Variants in SDK1 observed in about 807,000 individuals in gnomAD.
SDK1 encodes sidekick cell adhesion molecule 1, also known as protein sidekick-1.
SDK1 carries 157 observed loss-of-function variants against 245.5 expected under a neutral mutation model. The observed-to-expected ratio is 0.64, with a 90% CI of 0.56 to 0.73. The LOEUF (loss-of-function observed/expected upper bound fraction) is 0.73, where lower values mean the gene tolerates loss of function less well. Ranked by LOEUF, SDK1 falls within the 30% of genes least tolerant of loss-of-function variation. SDK1 has a pLI of 0.00. For synonymous variants in SDK1, 1,647 were observed against 1,278.5 expected, an observed-to-expected ratio of 1.29 and a Z score of -6.15; for missense variants, 3,583 against 3,002.3, an observed-to-expected ratio of 1.19 and a Z score of -4.52.
intron 4 of SDK1, among the ~76,000 whole-genome samples, chr7:3,724,759 C>T (rs770736891): frequency 2.4e-4 from 36 of 152,068 alleles, no homozygotes; most frequent in Non-Finnish European, 4.1e-4. Flanking sequence ...AGTCAGCTTT[C>T]GGAAGGAAAA....
At chr7:3,975,849 G>A (rs775681898) in intron 13 of SDK1, among the ~76,000 whole-genome samples, 5 of 152,254 alleles carry the variant, frequency 3.3e-5, no homozygotes, top group Admixed American at 6.5e-5. Context: ...TGGCTCTACA[G>A]AATCAGCCGG....
At chr7:3,887,950 T>A (rs1781375726) in intron 5 of SDK1, among the ~76,000 whole-genome samples, 1 of 152,252 alleles carries the variant, frequency 6.6e-6, no homozygotes, top group South Asian at 2.1e-4. Context: ...GTATTTCTTT[T>A]GTCTGTCTGA....
chr7:3,680,305 G>A (rs1406809812), intron 4 of SDK1, among the ~76,000 whole-genome samples: 1 of 152,220 alleles, frequency 6.6e-6, no homozygotes, highest in Non-Finnish European at 1.5e-5. Flanking sequence ...AGGAGAGCTT[G>A]AGAGGGGAGG....
chr7:4,034,473 C>G (rs775409816), intron 17 of SDK1, among the ~76,000 whole-genome samples: 56 of 152,306 alleles, frequency 3.7e-4, no homozygotes, highest in African/African-American at 1.3e-3. Flanking sequence ...CACTCTCAAA[C>G]AGTTTTTAAT....
chr7:3,581,213 C>T (rs1320852119), intron 1 of SDK1, among the ~76,000 whole-genome samples: 2 of 152,066 alleles, frequency 1.3e-5, no homozygotes, highest in Non-Finnish European at 1.5e-5. Flanking sequence ...AACTATGTAT[C>T]TGACAAAGGT....
chr7:4,111,819 T>C (rs1584172237), intron 23 of SDK1, among the ~76,000 whole-genome samples: 1 of 152,352 alleles, frequency 6.6e-6, no homozygotes, highest in African/African-American at 2.4e-5. Flanking sequence ...ATTTTTCTAG[T>C]ATGTAAATTG....
intron 1 of SDK1, among the ~76,000 whole-genome samples, chr7:3,321,905 CTG>C (rs1779824822): frequency 6.7e-6 from 1 of 149,432 alleles, no homozygotes; most frequent in Admixed American, 6.7e-5. Flanking sequence ...AGAGGTGAAA[CTG>C]TAGCGGAATG....
At chr7:3,807,937 C>G (rs965317067) in intron 4 of SDK1, among the ~76,000 whole-genome samples, 2 of 152,148 alleles carry the variant, frequency 1.3e-5, no homozygotes, top group Non-Finnish European at 2.9e-5. Context: ...GTTTAATTCT[C>G]CTGCCAACAC....
intron 5 of SDK1, among the ~76,000 whole-genome samples, chr7:3,828,379 C>G (rs1477999707): frequency 6.6e-6 from 1 of 151,892 alleles, no homozygotes; most frequent in African/African-American, 2.4e-5. Flanking sequence ...AACAAAATTT[C>G]TTCCATTTTC....
chr7:3,955,780 C>A (rs1490883559), intron 7 of SDK1, among the ~76,000 whole-genome samples: 1 of 152,216 alleles, frequency 6.6e-6, no homozygotes, highest in African/African-American at 2.4e-5. Context: ...GGGGGTCCTT[C>A]TCCACTGCGG....
rs73038425 is a variant in SDK1, at chr7:3,965,743, G to A, written c.1430-1575G>A. The stretch of plus-strand genomic sequence containing the variant: ...CAGCCAGGGGTGCTGCAGAAAAGGG[G>A]AGCAGGTGCGGTGGCATATTGAGCC... On this transcript the variant is annotated intron_variant, in intron 9 of 44. Coordinates refer to ENST00000404826, the MANE Select transcript of SDK1 (RefSeq NM_152744.4). Among the ~76,000 whole-genome samples the A allele has an allele frequency of 4.3e-3, 542 of 124,918 alleles. 1 individual carries two copies. Among genetic ancestry groups the A allele is most frequent in the Non-Finnish European group, 4.5e-3 (270 of 60,618 alleles). The allele number at this position is 124,918 out of a possible 152,430, so 82.0% of individuals were successfully genotyped here.
intron 1 of SDK1, among the ~76,000 whole-genome samples, chr7:3,507,756 A>G (rs1583971502): frequency 6.6e-6 from 1 of 151,116 alleles, no homozygotes; most frequent in East Asian, 1.9e-4. Flanking sequence ...TCAGTGCGGG[A>G]CTCCCTCCAA....
chr7:3,676,674 C>A (rs1232465432), intron 4 of SDK1, among the ~76,000 whole-genome samples: 1 of 152,130 alleles, frequency 6.6e-6, no homozygotes, highest in Non-Finnish European at 1.5e-5. Context: ...GTCTTTAAAC[C>A]ATCTTGAGTA....
intron 4 of SDK1, among the ~76,000 whole-genome samples, chr7:3,702,591 T>A (rs1352858583): frequency 6.6e-6 from 1 of 152,240 alleles, no homozygotes; most frequent in Non-Finnish European, 1.5e-5. Flanking sequence ...TCTCGTACAC[T>A]GACTCCAGCA....
At chr7:3,392,134 C>G (rs1207013586) in intron 1 of SDK1, among the ~76,000 whole-genome samples, 1 of 152,038 alleles carries the variant, frequency 6.6e-6, no homozygotes, top group Non-Finnish European at 1.5e-5. Context: ...AAATTCAGTT[C>G]TAATCAGTAA....
intron 1 of SDK1, among the ~76,000 whole-genome samples, chr7:3,454,041 T>C (rs1780600804): frequency 6.6e-6 from 1 of 152,206 alleles, no homozygotes; most frequent in African/African-American, 2.4e-5. Flanking sequence ...TTGAGAACTT[T>C]GTCATTTTCA....
At chr7:3,788,645 A>G (rs1458474318) in intron 4 of SDK1, among the ~76,000 whole-genome samples, 1 of 152,062 alleles carries the variant, frequency 6.6e-6, no homozygotes, top group Non-Finnish European at 1.5e-5. Context: ...ATATACTAAC[A>G]CTACCGATGG....
intron 4 of SDK1, among the ~76,000 whole-genome samples, chr7:3,737,352 T>G (rs1296359948): frequency 1.3e-5 from 2 of 152,218 alleles, no homozygotes; most frequent in African/African-American, 4.8e-5. Flanking sequence ...TGGTCTGAAC[T>G]CTGTGCCCTG....
At chr7:3,582,422 T>TCCA (rs1484272698) in intron 1 of SDK1, among the ~76,000 whole-genome samples, 1 of 148,680 alleles carries the variant, frequency 6.7e-6, no homozygotes, top group Non-Finnish European at 1.5e-5. Flanking sequence ...CAGGTAGGTC[T>TCCA]GTCTCAGGTA....
Sources: allele counts gnomAD v4.1 joint callset (sites outside exome capture counted in the v4.1 genomes callset), GRCh38; gene constraint gnomAD v4.1.1; transcripts MANE v1.5; gene names NCBI Gene and HGNC (gene_info 2026-07-23, HGNC 2026-07-21).